DACH2: variants seen among roughly 807,000 people sequenced by gnomAD.
DACH2 encodes the protein dachshund family transcription factor 2.
A neutral mutation model predicts 35.8 loss-of-function variants in DACH2; 17 were observed. The ratio of observed to expected loss-of-function variants is 0.48; its 90% CI spans 0.33 to 0.71. DACH2 has a LOEUF of 0.71. Among genes scored for constraint, DACH2 ranks in the 30% least tolerant of loss-of-function variants. The pLI is 0.02. For synonymous variants in DACH2, 195 were observed against 177.3 expected, an observed-to-expected ratio of 1.10 and a Z score of -0.79; for missense variants, 469 against 472.7, an observed-to-expected ratio of 0.99 and a Z score of 0.07.
intron 3 of DACH2, among the ~76,000 whole-genome samples, chrX:86,590,419 G>A (rs5968956): frequency 0.41 from 45,332 of 110,444 alleles, 8,564 homozygotes; most frequent in African/African-American, 0.74. Context: ...TCAGAGGAGT[G>A]GGTTTGTTAC....
In DACH2 at chrX:86,629,580, A is replaced by T. The variant is rs557985342; in HGVS notation, c.641-21456A>T. On this transcript the variant is annotated intron_variant, in intron 3 of 11. Coordinates refer to ENST00000373125, the MANE Select transcript of DACH2 (RefSeq NM_053281.3). Reference sequence around the variant, plus strand: ...AATGTATAAAAAGAGGAAACATTTAAAATTTAAAATATCACCAGTGGGCTG... The same window carrying T: ...AATGTATAAAAAGAGGAAACATTTATAATTTAAAATATCACCAGTGGGCTG... 3.6e-5 allele frequency among the ~76,000 whole-genome samples: 4 copies of T among 111,428 alleles called. No individual in the cohort carries two copies. The East Asian group carries it at 8.4e-4, about 23-fold the overall frequency.
chrX:86,751,423 C>T (rs2041771677), intron 7 of DACH2, among the ~76,000 whole-genome samples: 1 of 110,858 alleles, frequency 9.0e-6, no homozygotes, highest in Non-Finnish European at 1.9e-5. Flanking sequence ...CAACAACACA[C>T]AATTATCTCA....
chrX:86,462,771 G>C (rs760227992), intron 2 of DACH2, among the ~76,000 whole-genome samples: 2 of 111,094 alleles, frequency 1.8e-5, no homozygotes, highest in Admixed American at 9.6e-5. Flanking sequence ...TTTCTCTCAG[G>C]AGTTATACCT....
chrX:86,610,426 CT>C (rs1313451736), intron 3 of DACH2, among the ~76,000 whole-genome samples: 45 of 66,602 alleles, frequency 6.8e-4, no homozygotes, highest in African/African-American at 3.2e-3. Flanking sequence ...TCTTTTCTTT[CT>C]TTCTTTCTTT....
At chrX:86,401,082 G>A (rs1044119581) in intron 2 of DACH2, among the ~76,000 whole-genome samples, 10 of 111,967 alleles carry the variant, frequency 8.9e-5, no homozygotes, top group Non-Finnish European at 9.4e-5. Flanking sequence ...GCAATGGCAG[G>A]CGCTCCTCCC....
chrX:86,497,994 A>G (rs1036083394), intron 2 of DACH2, among the ~76,000 whole-genome samples: 9 of 106,216 alleles, frequency 8.5e-5, no homozygotes, highest in African/African-American at 2.4e-4. Flanking sequence ...ACTGTCTTTC[A>G]AAAAAAAAAA....
chrX:86,689,320 C>T (rs1426075072), intron 4 of DACH2, among the ~76,000 whole-genome samples: 1 of 111,099 alleles, frequency 9.0e-6, no homozygotes, highest in African/African-American at 3.3e-5. Context: ...AGTATAGCAC[C>T]TTTACACATA....
intron 1 of DACH2, among the ~76,000 whole-genome samples, chrX:86,248,690 A>G (rs995421939): frequency 1.8e-5 from 2 of 111,075 alleles, no homozygotes; most frequent in African/African-American, 3.3e-5. Context: ...ATTAGAAAAA[A>G]TTGTTCCAGA....
Position 86,315,260 on chromosome X carries a change from T to A in DACH2, c.489-61564T>A, listed in dbSNP as rs2368531. On this transcript the variant is annotated intron_variant, in intron 1 of 11. Coordinates refer to ENST00000373125, the MANE Select transcript of DACH2 (RefSeq NM_053281.3). ...GGACGACAGACTGCACGTTTGTTTA[T>A]AGCACGGTTTACTGAATATTTTAAG... 5.3e-3 allele frequency among the ~76,000 whole-genome samples: 583 copies of A among 110,911 alleles called. 2 individuals carry two copies. Among genetic ancestry groups the A allele is most frequent in the Non-Finnish European group, 7.5e-3 (397 of 52,900 alleles).
intron 2 of DACH2, among the ~76,000 whole-genome samples, chrX:86,499,017 G>C (rs775515786): frequency 8.9e-6 from 1 of 111,811 alleles, no homozygotes; most frequent in Admixed American, 9.5e-5. Flanking sequence ...AAAATAATCA[G>C]CATTTTAAAT....
At chrX:86,301,104 A>G (rs978905615) in intron 1 of DACH2, among the ~76,000 whole-genome samples, 3 of 112,156 alleles carry the variant, frequency 2.7e-5, no homozygotes, top group Non-Finnish European at 5.6e-5. Flanking sequence ...ATTGGACTTA[A>G]GAATGGTAAG....
chrX:86,315,826 CACACACACACACACAG>C (rs1319517161), intron 1 of DACH2, among the ~76,000 whole-genome samples: 3 of 97,987 alleles, frequency 3.1e-5, no homozygotes, highest in African/African-American at 1.3e-4. Flanking sequence ...CACACACACA[CACACACACACACACAG>C]AGAGAGAGAG....
intron 1 of DACH2, among the ~76,000 whole-genome samples, chrX:86,356,490 T>G (rs2035644931): frequency 9.0e-6 from 1 of 111,535 alleles, no homozygotes; most frequent in African/African-American, 3.3e-5. Context: ...TTGCTCTTTT[T>G]GCTTAAGATT....
intron 3 of DACH2, among the ~76,000 whole-genome samples, chrX:86,632,332 C>T (rs2148389037): frequency 9.0e-6 from 1 of 111,096 alleles, no homozygotes; most frequent in South Asian, 3.7e-4. Context: ...TTAGCCCCTG[C>T]TTCACTTTTC....
chrX:86,818,245 G>A (rs1183328024), intron 11 of DACH2, among the ~76,000 whole-genome samples: 1 of 111,337 alleles, frequency 9.0e-6, no homozygotes, highest in Non-Finnish European at 1.9e-5. Flanking sequence ...TATAGTTAAT[G>A]TCTTATGTTA....
intron 1 of DACH2, among the ~76,000 whole-genome samples, chrX:86,177,143 CTTAG>C (rs1406490436): frequency 3.6e-5 from 4 of 111,787 alleles, no homozygotes; most frequent in Admixed American, 1.9e-4. Context: ...ATTATACTTT[CTTAG>C]TTAATCTGAA....
intron 3 of DACH2, among the ~76,000 whole-genome samples, chrX:86,642,231 T>A (rs2040355616): frequency 9.0e-6 from 1 of 111,037 alleles, no homozygotes; most frequent in Admixed American, 9.6e-5. Flanking sequence ...GTCATGACAC[T>A]CATAGGCTCA....
intron 1 of DACH2, among the ~76,000 whole-genome samples, chrX:86,286,272 C>T (rs930664289): frequency 6.6e-5 from 7 of 105,735 alleles, no homozygotes; most frequent in East Asian, 3.0e-4. Flanking sequence ...GGACTACAGG[C>T]GCCCGCCACC....
intron 1 of DACH2, among the ~76,000 whole-genome samples, chrX:86,236,589 A>C (rs2033061684): frequency 8.9e-6 from 1 of 112,424 alleles, no homozygotes. Flanking sequence ...TTAAGCTATA[A>C]ACCTGTACAG....
Sources: allele counts gnomAD v4.1 joint callset (sites outside exome capture counted in the v4.1 genomes callset), GRCh38; gene constraint gnomAD v4.1.1; transcripts MANE v1.5; gene names NCBI Gene and HGNC (gene_info 2026-07-23, HGNC 2026-07-21).